The following GNAQ variants were observed in gnomAD, a reference collection of about 807,000 sequenced individuals.
GNAQ encodes the protein guanine nucleotide-binding protein G(q) subunit alpha.
GNAQ carries 8 observed loss-of-function variants against 43.9 expected under a neutral mutation model. The ratio of observed to expected loss-of-function variants is 0.18; its 90% CI spans 0.11 to 0.33. The LOEUF (loss-of-function observed/expected upper bound fraction) is 0.33, where lower values mean the gene tolerates loss of function less well. Among genes scored for constraint, GNAQ ranks in the 10% least tolerant of loss-of-function variants. The probability of loss-of-function intolerance (pLI) is 1.00; values close to 1 mark genes in which losing one functional copy is unlikely to be tolerated. For missense variants in GNAQ, 158 were observed against 450.8 expected (o/e 0.35, Z 5.88); for synonymous variants, 155 against 170.7 (o/e 0.91, Z 0.71).
chr9:78,017,232 A>G (rs1400863769), intron 1 of GNAQ, among the ~76,000 whole-genome samples: 1 of 152,320 alleles, frequency 6.6e-6, no homozygotes, highest in South Asian at 2.1e-4. Context: ...CCCTAGCAAC[A>G]TGTCTGATTT....
chr9:77,876,356 G>A (rs1828123582), intron 2 of GNAQ, among the ~76,000 whole-genome samples: 1 of 152,214 alleles, frequency 6.6e-6, no homozygotes, highest in African/African-American at 2.4e-5. Flanking sequence ...AGCTCCAACT[G>A]CATCCCTGTC....
chr9:77,765,039 T>C (rs937129891), intron 5 of GNAQ, among the ~76,000 whole-genome samples: 6 of 152,196 alleles, frequency 3.9e-5, no homozygotes, highest in Non-Finnish European at 7.3e-5. Flanking sequence ...GGAATTTGTC[T>C]TCGGTTTTAT....
intron 2 of GNAQ, among the ~76,000 whole-genome samples, chr9:77,906,661 T>G (rs1312488056): frequency 1.4e-4 from 21 of 152,248 alleles, no homozygotes; most frequent in Admixed American, 1.1e-3. Context: ...AAGACTTTTT[T>G]TGTAATTAAT....
At chr9:77,793,582 C>A (rs904292154) in intron 5 of GNAQ, among the ~76,000 whole-genome samples, 6 of 151,894 alleles carry the variant, frequency 4.0e-5, no homozygotes, top group African/African-American at 1.5e-4. Context: ...AAACGGGGAT[C>A]TCTCACTTCC....
At chr9:77,766,073 C>T (rs1254232190) in intron 5 of GNAQ, among the ~76,000 whole-genome samples, 1 of 152,102 alleles carries the variant, frequency 6.6e-6, no homozygotes. Flanking sequence ...GGGGGATGGA[C>T]AGAATTACTG....
chr9:77,945,228 C>T (rs1350526955), intron 1 of GNAQ, among the ~76,000 whole-genome samples: 2 of 152,154 alleles, frequency 1.3e-5, no homozygotes, highest in African/African-American at 4.8e-5. Flanking sequence ...TTTAATGTGG[C>T]ACCTTCACAA....
At chr9:77,956,772 AT>A (rs1239767737) in intron 1 of GNAQ, among the ~76,000 whole-genome samples, 1 of 152,174 alleles carries the variant, frequency 6.6e-6, no homozygotes, top group African/African-American at 2.4e-5. Flanking sequence ...TGTACTCAAC[AT>A]TGAATGAGAG....
At position 77,895,628 on chromosome 9, in the gene GNAQ, A is replaced by G. The variant is rs138490633; in HGVS notation, c.321+26533T>C. Among the ~76,000 whole-genome samples, 5 of 152,264 alleles carry G rather than the reference A, an allele frequency of 3.3e-5. No homozygotes were observed. In the East Asian group the frequency reaches 9.7e-4, roughly 29 times the overall value. ...TACCCTCTGTTCCTCCTTGTGAGAGATGACAAGAAACGGACTGGAAAATGG... is the reference window on the plus strand; with the variant it reads ...TACCCTCTGTTCCTCCTTGTGAGAGGTGACAAGAAACGGACTGGAAAATGG... On this transcript the variant is annotated intron_variant, in intron 2 of 6. Transcript: ENST00000286548.
chr9:77,773,396 T>C (rs1157994554), intron 5 of GNAQ, among the ~76,000 whole-genome samples: 2 of 152,218 alleles, frequency 1.3e-5, no homozygotes, highest in Non-Finnish European at 2.9e-5. Flanking sequence ...TTACTGAACA[T>C]CTGTGTGTTC....
intron 2 of GNAQ, among the ~76,000 whole-genome samples, chr9:77,888,411 A>C (rs1299233702): frequency 6.6e-6 from 1 of 152,188 alleles, no homozygotes; most frequent in Non-Finnish European, 1.5e-5. Flanking sequence ...TTCCCAGAGA[A>C]AACATCTAAA....
chr9:77,924,094 C>T (rs930560780), intron 1 of GNAQ, among the ~76,000 whole-genome samples: 11 of 152,092 alleles, frequency 7.2e-5, no homozygotes, highest in African/African-American at 2.7e-4. Flanking sequence ...TTTCCTATTA[C>T]TTTTAGTAAA....
chr9:77,839,611 C>A (rs1282637823), intron 2 of GNAQ, among the ~76,000 whole-genome samples: 1 of 152,244 alleles, frequency 6.6e-6, no homozygotes, highest in Non-Finnish European at 1.5e-5. Context: ...AGAGCAGCAG[C>A]ATGGGCTGCC....
At chr9:77,951,739 T>C (rs568136533) in intron 1 of GNAQ, among the ~76,000 whole-genome samples, 21 of 152,278 alleles carry the variant, frequency 1.4e-4, no homozygotes, top group Admixed American at 4.6e-4. Flanking sequence ...AACCTTACGA[T>C]TCTCTCTGTT....
At chr9:77,895,942 C>T (rs1007746873) in intron 2 of GNAQ, among the ~76,000 whole-genome samples, 3 of 152,142 alleles carry the variant, frequency 2.0e-5, no homozygotes, top group African/African-American at 4.8e-5. Flanking sequence ...TCCCCAGTCA[C>T]GTGGAACTGA....
chr9:77,975,683 G>A (rs1341719271), intron 1 of GNAQ, among the ~76,000 whole-genome samples: 3 of 151,752 alleles, frequency 2.0e-5, no homozygotes, highest in East Asian at 1.9e-4. Context: ...GGGATTACAC[G>A]CGCACACCAC....
intron 1 of GNAQ, among the ~76,000 whole-genome samples, chr9:77,999,405 G>A (rs1170374521): frequency 6.6e-6 from 1 of 152,154 alleles, no homozygotes; most frequent in Admixed American, 6.5e-5. Context: ...GGCTTGATGG[G>A]CAAAAGTTTC....
intron 5 of GNAQ, among the ~76,000 whole-genome samples, chr9:77,755,947 G>A (rs968026663): frequency 5.3e-5 from 8 of 152,164 alleles, no homozygotes; most frequent in Non-Finnish European, 7.4e-5. Flanking sequence ...TTGAGTCAGC[G>A]GAACGGGAAA....
chr9:77,778,842 C>A (rs1826345121), intron 5 of GNAQ, among the ~76,000 whole-genome samples: 1 of 151,918 alleles, frequency 6.6e-6, no homozygotes, highest in South Asian at 2.1e-4. Flanking sequence ...TTAGGCCTTA[C>A]ATAATGATAA....
intron 2 of GNAQ, among the ~76,000 whole-genome samples, chr9:77,921,573 T>C (rs1332395661): frequency 1.3e-5 from 2 of 152,218 alleles, no homozygotes; most frequent in African/African-American, 4.8e-5. Flanking sequence ...TAGGGTTTAT[T>C]CCCCCAATCC....
Sources: gnomAD v4.1 joint callset for allele counts (sites outside exome capture counted in the v4.1 genomes callset) on GRCh38, gnomAD v4.1.1 for gene constraint, MANE v1.5 for transcripts, NCBI Gene and HGNC (gene_info 2026-07-23, HGNC 2026-07-21) for gene names.